The following NCOR1 variants were observed in gnomAD, a reference collection of about 807,000 sequenced individuals.
NCOR1 encodes nuclear receptor corepressor 1, also known as protein phosphatase 1, regulatory subunit 109.
Under a neutral mutation model 288.1 loss-of-function variants are expected in NCOR1, and 63 were observed. The observed-to-expected ratio is 0.22, with a 90% CI of 0.18 to 0.27. The LOEUF is 0.27. Among genes scored for constraint, NCOR1 ranks in the 10% least tolerant of loss-of-function variants. NCOR1 has a pLI of 1.00. For missense variants in NCOR1, 2,397 were observed against 3,019.2 expected (o/e 0.79, Z 4.83); for synonymous variants, 1,007 against 1,065.9 (o/e 0.94, Z 1.08).
intron 40 of NCOR1, chr17:16,057,304 T>C (rs1597976565): frequency 1.8e-6 from 1 of 568,858 alleles, no homozygotes; most frequent in East Asian, 3.0e-5. Flanking sequence ...TAATCATCTT[T>C]TGAATATACA....
chr17:16,153,767 T>C (rs559293107), intron 6 of NCOR1, among the ~76,000 whole-genome samples: 52 of 152,194 alleles, frequency 3.4e-4, no homozygotes, highest in African/African-American at 1.2e-3. Flanking sequence ...CCCCCAAACA[T>C]TCTACATACT....
chr17:16,196,892 C>T (rs1234539917), intron 1 of NCOR1, among the ~76,000 whole-genome samples: 2 of 151,582 alleles, frequency 1.3e-5, no homozygotes, highest in Admixed American at 1.3e-4. Context: ...CGGTACACAC[C>T]CATGGTCCCA....
In NCOR1 at chr17:16,037,995, AAC is replaced by A. The variant is rs1054160057; in HGVS notation, c.6955+1436_6955+1437del. The stretch of plus-strand genomic sequence containing the variant: ...TAAGTCACCAGTCTTATAACCTTAA[AAC>A]ACACACACTTAAAGCCAATAAAAAT... On this transcript the variant is annotated intron_variant, in intron 44 of 45. Coordinates refer to ENST00000268712, the MANE Select transcript of NCOR1 (RefSeq NM_006311.4). Among the ~76,000 whole-genome samples, 14 of 152,206 alleles carry A rather than the reference AAC, an allele frequency of 9.2e-5. 1 individual carries two copies. The highest frequency in any genetic ancestry group is 1.8e-4 in the Non-Finnish European group (12 of 68,038).
Position 16,205,884 on chromosome 17 carries a change from C to T in NCOR1, c.-71+9478G>A, listed in dbSNP as rs188750782. Among the ~76,000 whole-genome samples, 978 of 149,196 alleles carry T rather than the reference C, an allele frequency of 6.6e-3. 4 individuals carry two copies. The highest frequency in any genetic ancestry group is 0.01 in the Non-Finnish European group (702 of 67,660). On this transcript the variant is annotated intron_variant, in intron 1 of 45. Coordinates refer to ENST00000268712, the MANE Select transcript of NCOR1 (RefSeq NM_006311.4). Reference sequence around the variant, plus strand: ...CCCAGGAGGCAGAGGTTGTGGTGAGCTGAGATCAAGCCATTGCACTCTAGC... The same window carrying T: ...CCCAGGAGGCAGAGGTTGTGGTGAGTTGAGATCAAGCCATTGCACTCTAGC...
In NCOR1 at chr17:16,138,192, T is replaced by C; in HGVS notation, c.1373A>G (p.Asn458Ser). The C allele has an allele frequency of 6.2e-7, 1 of 1,613,052 alleles. No individual in the cohort carries two copies. Among genetic ancestry groups the C allele is most frequent in the Non-Finnish European group, 8.5e-7 (1 of 1,179,288 alleles). ...FKDKFIQHPK[N>S]FGLIASYLER... ...CAAGTATGATGCAATTAGTCCAAAG[T>C]TTTTTGGATGCTGGATAAACCTGAG... The change falls in exon 13 of 46, where the codon AAC becomes AGC. Residue 458 changes from asparagine (N) to serine (S), a missense_variant. Physicochemically the swap from Asn to Ser is conservative, Grantham distance 46. Coordinates refer to ENST00000268712, the MANE Select transcript of NCOR1 (RefSeq NM_006311.4).
At position 16,200,207 on chromosome 17, in the gene NCOR1, G is replaced by T. The variant is rs547866178; in HGVS notation, c.-70-5568C>A. Among the ~76,000 whole-genome samples the T allele has an allele frequency of 7.9e-5, 12 of 152,044 alleles. No individual in the cohort carries two copies. The South Asian group carries it at 2.3e-3, about 29-fold the overall frequency. On this transcript the variant is annotated intron_variant, in intron 1 of 45. Coordinates refer to ENST00000268712, the MANE Select transcript of NCOR1 (RefSeq NM_006311.4). Reference sequence around the variant, plus strand: ...TATCTTGGAAAAAAAGCTAAAAATGGCCAGGCACAGTGGCTCACACCTGTA... The same window carrying T: ...TATCTTGGAAAAAAAGCTAAAAATGTCCAGGCACAGTGGCTCACACCTGTA...
At position 16,121,594 on chromosome 17, in the gene NCOR1, G is replaced by A. The variant is rs78160956; in HGVS notation, c.1635-325C>T. Reference sequence around the variant, plus strand: ...AAAAGCCCTAGACCTGCAATCCAGAGACAACAGCCTACACCAAAAGGCAGG... The same window carrying A: ...AAAAGCCCTAGACCTGCAATCCAGAAACAACAGCCTACACCAAAAGGCAGG... On this transcript the variant is annotated intron_variant, in intron 15 of 45. Transcript: ENST00000268712. Among the ~76,000 whole-genome samples the A allele has an allele frequency of 6.4e-3, 982 of 152,284 alleles. 14 individuals carry two copies. The highest frequency in any genetic ancestry group is 0.023 in the African/African-American group (949 of 41,556).
chr17:16,167,001 A>T (rs1202258358), intron 4 of NCOR1, among the ~76,000 whole-genome samples: 2 of 152,232 alleles, frequency 1.3e-5, no homozygotes, highest in Admixed American at 1.3e-4. Context: ...CGCATAAAGA[A>T]AGATCTTTGG....
intron 40 of NCOR1, among the ~76,000 whole-genome samples, chr17:16,053,712 C>G (rs1365825634): frequency 6.6e-6 from 1 of 151,866 alleles, no homozygotes; most frequent in Non-Finnish European, 1.5e-5. Context: ...TAATATAGAT[C>G]CAAAAAAGAG....
chr17:16,041,712 G>A (rs1264422181), intron 42 of NCOR1, among the ~76,000 whole-genome samples: 1 of 151,798 alleles, frequency 6.6e-6, no homozygotes, highest in African/African-American at 2.4e-5. Context: ...ACTGTGCTCA[G>A]CCAGAATGTG....
chr17:16,094,628 T>A (rs1472929248), intron 21 of NCOR1, among the ~76,000 whole-genome samples: 1 of 152,026 alleles, frequency 6.6e-6, no homozygotes, highest in African/African-American at 2.4e-5. Flanking sequence ...AAAGCTGGAC[T>A]GTGCCGCTGC....
intron 31 of NCOR1, among the ~76,000 whole-genome samples, chr17:16,069,115 A>T (rs185623238): frequency 8.1e-4 from 123 of 152,342 alleles, no homozygotes; most frequent in Middle Eastern, 3.4e-3. Flanking sequence ...AAGTACAAGC[A>T]TGATGGCTGT....
At chr17:16,167,345 C>T (rs1033167896) in intron 4 of NCOR1, among the ~76,000 whole-genome samples, 3 of 151,250 alleles carry the variant, frequency 2.0e-5, no homozygotes, top group Non-Finnish European at 2.9e-5. Context: ...GATACCAATC[C>T]TGAAGAAAAA....
chr17:16,200,112 C>T (rs178803), intron 1 of NCOR1, among the ~76,000 whole-genome samples: 69,618 of 151,874 alleles, frequency 0.46, 16,900 homozygotes, highest in Middle Eastern at 0.58. Flanking sequence ...AGCAGGAACT[C>T]CTGGCTTTTG....
chr17:16,181,253 G>GTGTGTGTGTGTA, intron 3 of NCOR1, among the ~76,000 whole-genome samples: 1 of 146,640 alleles, frequency 6.8e-6, no homozygotes, highest in East Asian at 2.0e-4. Context: ...GTGTGTGTGT[G>GTGTGTGTGTGTA]TATAAATATT....
At chr17:16,093,419 C>T (rs1264564016) in intron 21 of NCOR1, among the ~76,000 whole-genome samples, 1 of 152,218 alleles carries the variant, frequency 6.6e-6, no homozygotes, top group Non-Finnish European at 1.5e-5. Flanking sequence ...GGCCTGTTCA[C>T]TGCTTTCACA....
intron 2 of NCOR1, among the ~76,000 whole-genome samples, chr17:16,187,199 TG>T (rs1232081326): frequency 4.6e-5 from 7 of 150,828 alleles, no homozygotes; most frequent in African/African-American, 1.2e-4. Flanking sequence ...TGTTGGTTGT[TG>T]TTTTTTTTTT....
chr17:16,152,219 T>C (rs936960567), intron 7 of NCOR1, among the ~76,000 whole-genome samples: 3 of 152,244 alleles, frequency 2.0e-5, no homozygotes, highest in Non-Finnish European at 2.9e-5. Flanking sequence ...GTTTGTTACA[T>C]ATGTATACAT....
chr17:16,195,316 C>CA (rs1311700665), intron 1 of NCOR1, among the ~76,000 whole-genome samples: 8 of 151,934 alleles, frequency 5.3e-5, no homozygotes, highest in Non-Finnish European at 1.2e-4. Context: ...ACTAAAAATA[C>CA]AAAAATTAGC....
Sources: gnomAD v4.1 joint callset for allele counts (sites outside exome capture counted in the v4.1 genomes callset) on GRCh38, gnomAD v4.1.1 for gene constraint, MANE v1.5 for transcripts, NCBI Gene and HGNC (gene_info 2026-07-23, HGNC 2026-07-21) for gene names.